ERGIC2: variants seen among roughly 807,000 people sequenced by gnomAD.
ERGIC2 encodes the protein ERGIC and golgi 2.
ERGIC2 carries 31 observed loss-of-function variants against 52.5 expected under a neutral mutation model. The observed-to-expected ratio is 0.59, with a 90% confidence interval of 0.44 to 0.80. The LOEUF is 0.80. Among genes scored for constraint, ERGIC2 ranks in the 30% least tolerant of loss-of-function variants. ERGIC2 has a pLI of 0.00. For synonymous variants in ERGIC2, 129 were observed against 140.6 expected (o/e 0.92, Z 0.58); for missense variants, 395 against 455.2 (o/e 0.87, Z 1.20).
chr12:29,337,721 C>T lies in ERGIC2; in HGVS notation c.*3435G>A, dbSNP rs752157250. 1 of 152,136 alleles carries T rather than the reference C, an allele frequency of 6.6e-6. No individual in the cohort carries two copies. Among genetic ancestry groups the T allele is most frequent in the Non-Finnish European group, 1.5e-5 (1 of 68,024 alleles). The allele number at this position is 152,136 out of a possible 1,614,324, so 9.4% of individuals were successfully genotyped here. A position where few individuals can be genotyped will look rare whatever the true frequency, so the allele number is the denominator to read the frequency against. On this transcript the variant is annotated 3_prime_UTR_variant, in exon 14 of 14. Transcript: ENST00000360150. ...CTGAGATTTTAAAGGTCCTAAAGCTCAGGTTTAAGTAACTTTTAAACAATC... is the reference window on the plus strand; with the variant it reads ...CTGAGATTTTAAAGGTCCTAAAGCTTAGGTTTAAGTAACTTTTAAACAATC...
At chr12:29,358,972 A>G (rs1031307548) in intron 6 of ERGIC2, among the ~76,000 whole-genome samples, 1 of 152,142 alleles carries the variant, frequency 6.6e-6, no homozygotes, top group African/African-American at 2.4e-5. Flanking sequence ...CCAGGGTTTG[A>G]AATTTACAGT....
At position 29,345,451 on chromosome 12, in the gene ERGIC2, T is replaced by A; in HGVS notation, c.817A>T (p.Thr273Ser). The A allele has an allele frequency of 6.4e-7, 1 of 1,567,856 alleles. No homozygotes were observed. Among genetic ancestry groups the A allele is most frequent in the Non-Finnish European group, 8.8e-7 (1 of 1,141,898 alleles). ...ISADTHQFSVTERERIINHAA... is the reference protein window; with the variant it reads ...ISADTHQFSVSERERIINHAA... Reference sequence around the variant, plus strand: ...GGTTGGATTCAACTTACCCTTTCTGTCACAGAAAACTGATGGGTGTCTGCT... The same window carrying A: ...GGTTGGATTCAACTTACCCTTTCTGACACAGAAAACTGATGGGTGTCTGCT... Residue 273 changes from threonine (T) to serine (S), a missense_variant, in exon 11 of 14, where the codon ACA becomes TCA. Coordinates refer to ENST00000360150, the MANE Select transcript of ERGIC2 (RefSeq NM_016570.3).
chr12:29,351,969 G>A (rs940449582), intron 8 of ERGIC2, among the ~76,000 whole-genome samples: 7 of 152,072 alleles, frequency 4.6e-5, no homozygotes, highest in Non-Finnish European at 7.4e-5. Context: ...TGCTTAATAC[G>A]CAGGATGTTC....
rs80224525 is a variant in ERGIC2 at position 29,347,767 on chromosome 12, A to G, written c.727+1312T>C. On this transcript the variant is annotated intron_variant, in intron 10 of 13. Transcript: ENST00000360150. ...TGGAAAAAGAGGCTGAAAAAAACAT[A>G]TATTACGAAGGAGAAAAGTATACAA... Among the ~76,000 whole-genome samples the G allele has an allele frequency of 5.3e-4, 81 of 152,344 alleles. No individual in the cohort carries two copies. In the East Asian group the frequency reaches 0.014, roughly 27 times the overall value.
intron 6 of ERGIC2, among the ~76,000 whole-genome samples, chr12:29,360,708 T>C (rs913231814): frequency 6.7e-6 from 1 of 150,022 alleles, no homozygotes; most frequent in Non-Finnish European, 1.5e-5. Flanking sequence ...ACACAGAAAA[T>C]GTCTGTCTAG....
In ERGIC2 at chr12:29,340,823, T is replaced by C. The variant is rs1306719827; in HGVS notation, c.*333A>G. 6.8e-6 allele frequency: 3 copies of C among 443,012 alleles called. No homozygotes were observed. The highest frequency in any genetic ancestry group is 2.1e-5 in the African/African-American group (1 of 48,590). 27.4% of individuals were successfully genotyped at this position (443,012 alleles called of 1,614,324 possible). On this transcript the variant is annotated 3_prime_UTR_variant, in exon 14 of 14. Transcript: ENST00000360150. ...TTTCCCATAGATGTAGTTTCACTTA[T>C]TTCCTTCAGGCTTTTTATCAGCAAG...
At chr12:29,345,623 C>A in intron 10 of ERGIC2, 83 bp from the exon 11 acceptor site, 1 of 791,004 alleles carries the variant, frequency 1.3e-6, no homozygotes, top group East Asian at 2.5e-5. Flanking sequence ...CACATTTAAC[C>A]TGAAATTTAG....
At chr12:29,357,798 T>C (rs1940229569) in intron 6 of ERGIC2, 74 bp from the exon 7 acceptor site, 2 of 828,728 alleles carry the variant, frequency 2.4e-6, no homozygotes, top group East Asian at 2.5e-5. Context: ...AAAATGACAA[T>C]GTTTAGCTGA....
chr12:29,366,550 GA>G (rs1044911483), intron 5 of ERGIC2, among the ~76,000 whole-genome samples: 2 of 151,014 alleles, frequency 1.3e-5, no homozygotes, highest in Admixed American at 6.6e-5. Context: ...TAGAGAAAAA[GA>G]AAAAAACTCA....
Position 29,339,952 on chromosome 12 carries a change from G to A in ERGIC2, c.*1204C>T, listed in dbSNP as rs1949825342. The stretch of plus-strand genomic sequence containing the variant: ...GTACTACAAAAGGAAAACTGATATT[G>A]GTACACATATTCCAAATACAGCTTT... On this transcript the variant is annotated 3_prime_UTR_variant, in exon 14 of 14. Transcript: ENST00000360150. 6.6e-6 allele frequency: 1 copy of A among 152,008 alleles called. No homozygotes were observed. Among genetic ancestry groups the A allele is most frequent in the Admixed American group, 6.6e-5 (1 of 15,254 alleles). The allele number at this position is 152,008 out of a possible 1,614,324, so 9.4% of individuals were successfully genotyped here.
rs1949824059 is a variant in ERGIC2 at position 29,339,761 on chromosome 12, T to C, written c.*1395A>G. 1 of 152,146 alleles carries C rather than the reference T, an allele frequency of 6.6e-6. No homozygotes were observed. The highest frequency in any genetic ancestry group is 6.5e-5 in the Admixed American group (1 of 15,272). The allele number at this position is 152,146 out of a possible 1,614,324, so 9.4% of individuals were successfully genotyped here. A position where few individuals can be genotyped will look rare whatever the true frequency, so the allele number is the denominator to read the frequency against. On this transcript the variant is annotated 3_prime_UTR_variant, in exon 14 of 14. Coordinates refer to ENST00000360150, the MANE Select transcript of ERGIC2 (RefSeq NM_016570.3). ...TATCCTGTTTTCATAAATTTATCTTTAAAAAAATCCATTTGAAAAACTGTT... is the reference window on the plus strand; with the variant it reads ...TATCCTGTTTTCATAAATTTATCTTCAAAAAAATCCATTTGAAAAACTGTT...
intron 8 of ERGIC2, among the ~76,000 whole-genome samples, chr12:29,350,428 A>G (rs935838852): frequency 1.8e-4 from 27 of 152,044 alleles, no homozygotes; most frequent in African/African-American, 6.0e-4. Context: ...TTTTGCAGGG[A>G]GATTACACTT....
intron 11 of ERGIC2, among the ~76,000 whole-genome samples, chr12:29,343,898 G>C (rs1054993004): frequency 6.6e-6 from 1 of 152,058 alleles, no homozygotes; most frequent in Non-Finnish European, 1.5e-5. Flanking sequence ...CAGGACTAAT[G>C]AATGTCAGCC....
At chr12:29,364,991 G>C (rs10161279) in intron 5 of ERGIC2, among the ~76,000 whole-genome samples, 22,714 of 151,680 alleles carry the variant, frequency 0.15, 2,169 homozygotes, top group African/African-American at 0.27. Context: ...GGAGAAAAGG[G>C]AACACTTATA....
At chr12:29,356,257 AGG>A (rs1481189165) in intron 8 of ERGIC2, 123 bp downstream of exon 8, 4 of 586,018 alleles carry the variant, frequency 6.8e-6, no homozygotes, top group African/African-American at 3.9e-5. Flanking sequence ...TCCTGACCTC[AGG>A]TGATCCACCC....
At position 29,343,114 on chromosome 12, in the gene ERGIC2, G is replaced by T; in HGVS notation, c.988+6C>A. ...GAAATTAGACAAAAAGGAAATGGTT[G>T]TTAACCTGTTGTTGAAAAGATTCCT... On this transcript the variant is annotated splice_donor_region_variant and intron_variant, in intron 12 of 13. Coordinates refer to ENST00000360150, the MANE Select transcript of ERGIC2 (RefSeq NM_016570.3). The T allele has an allele frequency of 6.3e-7, 1 of 1,581,474 alleles. No individual in the cohort carries two copies. Among genetic ancestry groups the T allele is most frequent in the East Asian group, 2.3e-5 (1 of 44,100 alleles).
chr12:29,378,018 G>A lies in ERGIC2; in HGVS notation c.-38+3097C>T, dbSNP rs1344307619. On this transcript the variant is annotated intron_variant, in intron 1 of 13. Coordinates refer to ENST00000360150, the MANE Select transcript of ERGIC2 (RefSeq NM_016570.3). ...ACTGTGTCAACTCACAATTTGATAC[G>A]TTGAACAAGATATGTTGAAGTCTCA... Among the ~76,000 whole-genome samples the A allele has an allele frequency of 3.3e-5, 5 of 152,144 alleles. 1 individual carries two copies. In the East Asian group the frequency reaches 9.6e-4, roughly 29 times the overall value.
At chr12:29,342,307 C>T (rs2136847465) in intron 12 of ERGIC2, among the ~76,000 whole-genome samples, 1 of 152,336 alleles carries the variant, frequency 6.6e-6, no homozygotes, top group Non-Finnish European at 1.5e-5. Context: ...AGCCACTGCA[C>T]CGGGCCTAAA....
intron 1 of ERGIC2, among the ~76,000 whole-genome samples, chr12:29,376,146 A>G (rs534816304): frequency 1.3e-3 from 203 of 152,256 alleles, no homozygotes; most frequent in Admixed American, 2.3e-3. Flanking sequence ...TTAAACATTA[A>G]TTCATTTAAT....
Sources: allele counts gnomAD v4.1 joint callset (sites outside exome capture counted in the v4.1 genomes callset), GRCh38; gene constraint gnomAD v4.1.1; transcripts MANE v1.5; gene names NCBI Gene and HGNC (gene_info 2026-07-23, HGNC 2026-07-21).